Variants in STARD13 observed in about 807,000 individuals in gnomAD.
STARD13 encodes StAR related lipid transfer domain containing 13.
In STARD13, 62 loss-of-function variants were observed where a neutral mutation model predicts 106.4. The ratio of observed to expected loss-of-function variants is 0.58; its 90% CI spans 0.48 to 0.72. The LOEUF (loss-of-function observed/expected upper bound fraction) is 0.72, where lower values mean the gene tolerates loss of function less well. Among genes scored for constraint, STARD13 ranks in the 30% least tolerant of loss-of-function variants. STARD13 has a pLI of 0.00. For synonymous variants in STARD13, 565 were observed against 553.0 expected (o/e 1.02, Z -0.31); for missense variants, 1,387 against 1,424.0 (o/e 0.97, Z 0.42).
Position 33,104,060 on chromosome 13 carries a change from A to G in STARD13, c.*1533T>C, listed in dbSNP as rs181127092. The stretch of plus-strand genomic sequence containing the variant: ...ATTGCTGATAACAGAAACATTACAT[A>G]AATGCATATAATGCAAAAAAACCTG... On this transcript the variant is annotated 3_prime_UTR_variant, in exon 14 of 14. Transcript: ENST00000336934. 3.3e-4 allele frequency: 51 copies of G among 152,350 alleles called. No individual in the cohort carries two copies. The highest frequency in any genetic ancestry group is 1.2e-3 in the African/African-American group (50 of 41,584). 9.4% of individuals were successfully genotyped at this position (152,350 alleles called of 1,614,324 possible).
At chr13:33,349,250 A>T (rs1389838772) in intron 1 of STARD13, 1 of 702,228 alleles carries the variant, frequency 1.4e-6, no homozygotes, top group East Asian at 2.7e-5. Context: ...AGGTCCAGAG[A>T]CTTGCCTCAG....
chr13:33,350,177 C>T lies in STARD13; in HGVS notation c.124+113G>A, dbSNP rs903646970. On this transcript the variant is annotated intron_variant, in intron 1 of 1. Transcript: ENST00000439831. ...GCAGCCCGCTCGCCCCGGCCTTGGG[C>T]TCTGAAACTCATGCCCTGGAGCCCA... 5 of 1,328,078 alleles carry T rather than the reference C, an allele frequency of 3.8e-6. No individual in the cohort carries two copies. The African/African-American group carries it at 7.8e-5, about 21-fold the overall frequency. 82.3% of individuals were successfully genotyped at this position (1,328,078 alleles called of 1,614,324 possible).
At chr13:33,668,624 A>G in the STARD13 span, among the ~76,000 whole-genome samples, 1 of 152,236 alleles carries the variant, frequency 6.6e-6, no homozygotes, top group South Asian at 2.1e-4. Flanking sequence ...GATGGAGACT[A>G]AAGAGAACGT....
At chr13:33,649,860 A>G in the STARD13 span, among the ~76,000 whole-genome samples, 1 of 152,190 alleles carries the variant, frequency 6.6e-6, no homozygotes, top group Non-Finnish European at 1.5e-5. Context: ...TAAAAATAAA[A>G]CCAAAACCAC....
chr13:33,660,666 C>T, the STARD13 span, among the ~76,000 whole-genome samples: 3 of 152,322 alleles, frequency 2.0e-5, no homozygotes, highest in African/African-American at 7.2e-5. Flanking sequence ...TCACTGCAGA[C>T]TTGAACTCCT....
chr13:33,395,944 T>A, the STARD13 span, among the ~76,000 whole-genome samples: 2 of 152,170 alleles, frequency 1.3e-5, no homozygotes, highest in Non-Finnish European at 2.9e-5. Context: ...TGTGCTCAAG[T>A]GATCCTCCTG....
chr13:33,330,306 TC>T (rs890755355), intron 1 of STARD13, among the ~76,000 whole-genome samples: 93 of 152,358 alleles, frequency 6.1e-4, no homozygotes, highest in African/African-American at 2.1e-3. Flanking sequence ...TGAAGTGATA[TC>T]TCATTATGGT....
At chr13:33,576,787 T>C in the STARD13 span, among the ~76,000 whole-genome samples, 1 of 152,230 alleles carries the variant, frequency 6.6e-6, no homozygotes, top group Non-Finnish European at 1.5e-5. Flanking sequence ...TAATTAGACA[T>C]TTTAAAACCA....
chr13:33,104,892 C>A lies in STARD13; in HGVS notation c.*701G>T, dbSNP rs1478821995. ...TAAATTTGGTAATGACTTCTCACCC[C>A]CCCATTTGCTTTAAGGAGGAGTAAT... is the stretch of plus-strand genomic sequence containing the variant. On this transcript the variant is annotated 3_prime_UTR_variant, in exon 14 of 14. Coordinates refer to ENST00000336934, the MANE Select transcript of STARD13 (RefSeq NM_178006.4). The A allele has an allele frequency of 6.5e-6, 1 of 153,482 alleles. No individual in the cohort carries two copies. Among genetic ancestry groups the A allele is most frequent in the Non-Finnish European group, 1.5e-5 (1 of 68,042 alleles). 9.5% of individuals were successfully genotyped at this position (153,482 alleles called of 1,614,324 possible).
At chr13:33,336,296 G>C (rs928097767) in intron 1 of STARD13, 2 of 152,172 alleles carry the variant, frequency 1.3e-5, no homozygotes, top group African/African-American at 4.8e-5. Flanking sequence ...CTTTGATAAA[G>C]CTGCTTACAC....
chr13:33,318,566 T>G (rs1052725562), intron 1 of STARD13, among the ~76,000 whole-genome samples: 1 of 152,036 alleles, frequency 6.6e-6, no homozygotes, highest in Non-Finnish European at 1.5e-5. Context: ...AAAAATAGAT[T>G]AATTGGAATT....
chr13:33,393,412 T>G, the STARD13 span, among the ~76,000 whole-genome samples: 1 of 152,178 alleles, frequency 6.6e-6, no homozygotes. Flanking sequence ...TGTAGTGGGC[T>G]GCGTATGGGT....
chr13:33,113,161 C>T (rs73461987), intron 8 of STARD13: 6,246 of 524,554 alleles, frequency 0.012, 304 homozygotes, highest in African/African-American at 0.11. Context: ...TTGGATCCCA[C>T]GCTCTCGATG....
At chr13:33,449,461 T>C in the STARD13 span, among the ~76,000 whole-genome samples, 1 of 152,194 alleles carries the variant, frequency 6.6e-6, no homozygotes, top group Non-Finnish European at 1.5e-5. Flanking sequence ...CATCAGTCTA[T>C]GTGTCTGTTT....
At chr13:33,500,578 T>C in the STARD13 span, among the ~76,000 whole-genome samples, 3 of 152,236 alleles carry the variant, frequency 2.0e-5, no homozygotes, top group Non-Finnish European at 4.4e-5. Flanking sequence ...TTCTTGCTGC[T>C]AAATAAATCC....
chr13:33,361,460 G>A, the STARD13 span, among the ~76,000 whole-genome samples: 2 of 152,158 alleles, frequency 1.3e-5, no homozygotes, highest in Non-Finnish European at 2.9e-5. Context: ...TTGGATTTTA[G>A]ACTGTAGCTC....
chr13:33,244,513 T>C (rs1160003571), intron 1 of STARD13, among the ~76,000 whole-genome samples: 3 of 152,030 alleles, frequency 2.0e-5, no homozygotes, highest in Admixed American at 1.3e-4. Context: ...GCTCCTCTTA[T>C]CAAGAAGAGC....
chr13:33,159,254 C>CA (rs1306792291), intron 3 of STARD13, among the ~76,000 whole-genome samples: 11 of 152,160 alleles, frequency 7.2e-5, no homozygotes, highest in Non-Finnish European at 1.5e-4. Context: ...TTCTGGACGA[C>CA]ACTAGTATTA....
chr13:33,460,563 T>C, the STARD13 span, among the ~76,000 whole-genome samples: 1 of 152,094 alleles, frequency 6.6e-6, no homozygotes, highest in Non-Finnish European at 1.5e-5. Flanking sequence ...CTTTGTCTTG[T>C]ACATATTTCT....
Sources: gnomAD v4.1 joint callset for allele counts (sites outside exome capture counted in the v4.1 genomes callset) on GRCh38, gnomAD v4.1.1 for gene constraint, MANE v1.5 for transcripts, NCBI Gene and HGNC (gene_info 2026-07-23, HGNC 2026-07-21) for gene names.